The following LRRC56 variants were observed in gnomAD, a reference collection of about 807,000 sequenced individuals.
LRRC56 encodes leucine rich repeat containing 56, also known as leucine-rich repeat-containing protein 56.
In LRRC56, 41 loss-of-function variants were observed where a neutral mutation model predicts 47.8. The observed-to-expected ratio is 0.86, with a 90% CI of 0.67 to 1.11. The LOEUF is 1.11. LRRC56 is among the 50% of genes most tolerant of loss of function. The pLI, the probability that LRRC56 is intolerant of heterozygous loss-of-function variation, is 0.00. For synonymous variants in LRRC56, 387 were observed against 311.2 expected (o/e 1.24, Z -2.56); for missense variants, 759 against 704.2 (o/e 1.08, Z -0.88).
chr11:548,026 T>C (rs1239979808), intron 6 of LRRC56, among the ~76,000 whole-genome samples: 1 of 151,932 alleles, frequency 6.6e-6, no homozygotes, highest in African/African-American at 2.4e-5. Context: ...CTCGGGAGGC[T>C]GAGGCAGGAG....
In LRRC56 at chr11:551,935, A is replaced by G. The variant is rs2134068512; in HGVS notation, c.1006A>G (p.Lys336Glu). The part of the protein sequence containing the change: ...AGQVLCGNPT[K>E]GLRERRHQCQ... ...CCAAGTCCTCTGTGGGAACCCCACC[A>G]AGGGCCTGCGGGAGCGTAGGCACCA... The change falls in exon 11 of 14, where the codon AAG (lysine) becomes GAG (glutamate). Residue 336 changes from lysine to glutamate, a missense_variant. Physicochemically the swap from Lys to Glu is moderately conservative, Grantham distance 56. Transcript: ENST00000270115. The G allele has an allele frequency of 6.2e-7, 1 of 1,612,614 alleles. No homozygotes were observed. Among genetic ancestry groups the G allele is most frequent in the South Asian group, 1.1e-5 (1 of 91,088 alleles).
chr11:534,130 G>A (rs533733694), upstream of LRRC56: 20 of 1,266,240 alleles, frequency 1.6e-5, no homozygotes, highest in African/African-American at 2.6e-4. Context: ...GGGGACCAGG[G>A]GCTGCAGCCA....
upstream of LRRC56, chr11:532,864 C>A: frequency 9.1e-7 from 1 of 1,098,592 alleles, no homozygotes. Context: ...CTCCCGACTC[C>A]ACCAGCCACT....
chr11:543,721 G>A (rs1851919883), intron 5 of LRRC56, among the ~76,000 whole-genome samples: 1 of 152,142 alleles, frequency 6.6e-6, no homozygotes, highest in East Asian at 1.9e-4. Flanking sequence ...TGGTCTTGGA[G>A]CGCCTGTACC....
At chr11:520,508 G>C in the LRRC56 span, among the ~76,000 whole-genome samples, 1 of 151,976 alleles carries the variant, frequency 6.6e-6, no homozygotes, top group South Asian at 2.1e-4. Context: ...CAGTAGGGAC[G>C]GGGTTTCATC....
upstream of LRRC56, chr11:533,399 T>C: frequency 1.5e-6 from 2 of 1,323,974 alleles, no homozygotes; most frequent in Non-Finnish European, 2.2e-6. Context: ...GCTCCCTGGC[T>C]GGGGCGGGGC....
chr11:551,013 C>T, intron 8 of LRRC56, 118 bp from the exon 9 acceptor site: 4 of 601,792 alleles, frequency 6.6e-6, no homozygotes, highest in Non-Finnish European at 1.1e-5. Context: ...GCATCCCCAC[C>T]TCTGGGCCCC....
intron 5 of LRRC56, among the ~76,000 whole-genome samples, chr11:542,580 CAAAAAAAAA>C (rs71022928): frequency 1.2e-3 from 30 of 26,010 alleles, no homozygotes; most frequent in African/African-American, 4.5e-3. Flanking sequence ...AACCCTGTCG[CAAAAAAAAA>C]AAAAAAAAAA....
chr11:549,513 G>A (rs1852264321), intron 6 of LRRC56, among the ~76,000 whole-genome samples: 1 of 152,194 alleles, frequency 6.6e-6, no homozygotes, highest in Non-Finnish European at 1.5e-5. Flanking sequence ...CGGTGTCCAG[G>A]GGCTCAGGCT....
At chr11:536,339 C>CCA (rs1851493325), upstream of LRRC56, among the ~76,000 whole-genome samples, 2 of 152,278 alleles carry the variant, frequency 1.3e-5, no homozygotes, top group Admixed American at 1.3e-4. Flanking sequence ...ACCGTACCCA[C>CCA]AAGTTGCCAC....
chr11:533,132 A>C, upstream of LRRC56: 1 of 748,344 alleles, frequency 1.3e-6, no homozygotes, highest in East Asian at 2.7e-5. Flanking sequence ...GCCGGGCCCC[A>C]GGGTCACCGC....
At chr11:532,542 G>A, upstream of LRRC56, 1 of 1,532,424 alleles carries the variant, frequency 6.5e-7, no homozygotes, top group Non-Finnish European at 8.8e-7. Context: ...GCACAAGGGA[G>A]GCTGCTGACC....
chr11:544,892 C>A, intron 6 of LRRC56, 112 bp downstream of exon 6: 1 of 1,078,048 alleles, frequency 9.3e-7, no homozygotes, highest in Non-Finnish European at 1.4e-6. Flanking sequence ...TGGGCTGGGA[C>A]CAGGGACCCA....
the LRRC56 span, among the ~76,000 whole-genome samples, chr11:517,382 C>T: frequency 5.3e-5 from 8 of 151,800 alleles, no homozygotes; most frequent in African/African-American, 1.7e-4. Context: ...CCAGCTGCCC[C>T]GTCTGGGAGG....
At chr11:519,016 G>T in the LRRC56 span, among the ~76,000 whole-genome samples, 12 of 151,998 alleles carry the variant, frequency 7.9e-5, no homozygotes, top group Non-Finnish European at 2.9e-5. Context: ...CCGCACGGGG[G>T]AGGCTTCTCC....
chr11:519,079 C>CTGTG, the LRRC56 span, among the ~76,000 whole-genome samples: 1 of 152,212 alleles, frequency 6.6e-6, no homozygotes, highest in Non-Finnish European at 1.5e-5. Context: ...GGTCCTTCCG[C>CTGTG]CAAAAACCTG....
rs1564794646 is a variant in LRRC56, at chr11:537,578, G to A, written c.-449G>A. The A allele has an allele frequency of 6.6e-6, 1 of 152,352 alleles. No individual in the cohort carries two copies. Among genetic ancestry groups the A allele is most frequent in the Non-Finnish European group, 1.5e-5 (1 of 68,122 alleles). 9.4% of individuals were successfully genotyped at this position (152,352 alleles called of 1,614,324 possible). ...GAGGGCGCCCAGGGCCGAGCTGCCAGGGCCGGACACCTAGGCTGAGCCCTC... is the reference window on the plus strand; with the variant it reads ...GAGGGCGCCCAGGGCCGAGCTGCCAAGGCCGGACACCTAGGCTGAGCCCTC... On this transcript the variant is annotated 5_prime_UTR_variant, in exon 1 of 14. Transcript: ENST00000270115.
At chr11:532,817 C>T (rs1851189345), upstream of LRRC56, 1 of 1,542,562 alleles carries the variant, frequency 6.5e-7, no homozygotes, top group Non-Finnish European at 8.9e-7. Flanking sequence ...GGGTGAGGGG[C>T]TCCCTGCTGT....
the LRRC56 span, among the ~76,000 whole-genome samples, chr11:518,994 G>GCGCGCGAGGCGC: frequency 6.6e-6 from 1 of 152,190 alleles, no homozygotes; most frequent in African/African-American, 2.4e-5. Context: ...GCTTACGAGG[G>GCGCGCGAGGCGC]CGCGCGAGGC....
Sources: allele counts gnomAD v4.1 joint callset (sites outside exome capture counted in the v4.1 genomes callset), GRCh38; gene constraint gnomAD v4.1.1; transcripts MANE v1.5; gene names NCBI Gene and HGNC (gene_info 2026-07-23, HGNC 2026-07-21).